The following XRCC5 variants were observed in gnomAD, a reference collection of about 807,000 sequenced individuals.
The protein encoded by XRCC5 is X-ray repair cross complementing 5.
Under a neutral mutation model 95.7 loss-of-function variants are expected in XRCC5, and 12 were observed. That is an observed-to-expected ratio of 0.13 (90% CI 0.08 to 0.20). The LOEUF is 0.20. XRCC5 is among the 10% of genes least tolerant of loss of function. The pLI is 1.00. For synonymous variants in XRCC5, 281 were observed against 290.3 expected, an observed-to-expected ratio of 0.97 and a Z score of 0.33; for missense variants, 595 against 873.9, an observed-to-expected ratio of 0.68 and a Z score of 4.02.
chr2:216,138,944 A>T (rs1406021477), intron 12 of XRCC5, among the ~76,000 whole-genome samples: 2 of 152,086 alleles, frequency 1.3e-5, no homozygotes, highest in African/African-American at 4.8e-5. Flanking sequence ...TTTTGGCTAG[A>T]CCCTTTGGAA....
intron 7 of XRCC5, 119 bp downstream of exon 7, chr2:216,126,150 G>T: frequency 1.3e-6 from 1 of 755,904 alleles, no homozygotes; most frequent in South Asian, 2.0e-5. Context: ...TTTTCTAGTT[G>T]TTCTCCCTGC....
intron 19 of XRCC5, among the ~76,000 whole-genome samples, chr2:216,201,619 ACT>A (rs1440754505): frequency 6.6e-6 from 1 of 152,088 alleles, no homozygotes; most frequent in Non-Finnish European, 1.5e-5. Context: ...GGAATATGTC[ACT>A]CACACACATG....
chr2:216,188,730 A>T (rs1574430821), intron 16 of XRCC5, among the ~76,000 whole-genome samples: 1 of 152,228 alleles, frequency 6.6e-6, no homozygotes, highest in East Asian at 1.9e-4. Flanking sequence ...GCTTTTGTTG[A>T]TGGTTTTCTG....
chr2:216,172,018 G>T (rs1689174087), intron 16 of XRCC5, among the ~76,000 whole-genome samples: 1 of 152,220 alleles, frequency 6.6e-6, no homozygotes. Context: ...TTCATAGTCA[G>T]TTTGGGTCTG....
intron 20 of XRCC5, 126 bp from the exon 21 acceptor site, chr2:216,205,062 A>G: frequency 9.0e-7 from 1 of 1,107,424 alleles, no homozygotes; most frequent in Admixed American, 1.8e-5. Flanking sequence ...ATGAGCGGTG[A>G]ATAAATGAGC....
chr2:216,130,679 T>C (rs1696981806), intron 8 of XRCC5, 196 bp from the exon 9 acceptor site: 1 of 493,684 alleles, frequency 2.0e-6, no homozygotes, highest in Non-Finnish European at 3.6e-6. Flanking sequence ...CATCTCTATA[T>C]TGTATGTGTG....
chr2:216,166,371 C>T (rs1368403292), intron 16 of XRCC5, among the ~76,000 whole-genome samples: 3 of 152,198 alleles, frequency 2.0e-5, no homozygotes, highest in African/African-American at 7.2e-5. Context: ...ATCTGCCTGC[C>T]TTGGCCTCCC....
At position 216,109,582 on chromosome 2, in the gene XRCC5, G is replaced by T. The variant is rs1372974951; in HGVS notation, c.21+125G>T. On this transcript the variant is annotated intron_variant, in intron 1 of 20. Coordinates refer to ENST00000392132, the MANE Select transcript of XRCC5 (RefSeq NM_021141.4). ...GGGGCAAGAGAAGATCATGGTGGTGGGCTCAGTCAGGAGGGCCGGGACCGA... is the reference window on the plus strand; with the variant it reads ...GGGGCAAGAGAAGATCATGGTGGTGTGCTCAGTCAGGAGGGCCGGGACCGA... 4 of 1,416,782 alleles carry T rather than the reference G, an allele frequency of 2.8e-6. No individual in the cohort carries two copies. The East Asian group carries it at 7.7e-5, about 27-fold the overall frequency. The allele number at this position is 1,416,782 out of a possible 1,614,324, so 87.8% of individuals were successfully genotyped here. A position where few individuals can be genotyped will look rare whatever the true frequency, so the allele number is the denominator to read the frequency against.
chr2:216,139,812 A>G (rs956804736), intron 12 of XRCC5, among the ~76,000 whole-genome samples: 2 of 152,216 alleles, frequency 1.3e-5, no homozygotes, highest in African/African-American at 4.8e-5. Context: ...CCAGCCCAGA[A>G]TATTTTTAAA....
intron 6 of XRCC5, among the ~76,000 whole-genome samples, chr2:216,124,662 C>G (rs1349405661): frequency 6.6e-6 from 1 of 152,130 alleles, no homozygotes; most frequent in Non-Finnish European, 1.5e-5. Context: ...AAATTGGAGT[C>G]TCTTGCGACC....
intron 10 of XRCC5, among the ~76,000 whole-genome samples, chr2:216,134,471 A>G (rs1697040972): frequency 7.1e-6 from 1 of 139,962 alleles, no homozygotes; most frequent in Non-Finnish European, 1.5e-5. Context: ...TTTGTAGCCC[A>G]TGCTGGAGTA....
At chr2:216,167,138 A>T (rs1689066950) in intron 16 of XRCC5, among the ~76,000 whole-genome samples, 1 of 152,180 alleles carries the variant, frequency 6.6e-6, no homozygotes, top group African/African-American at 2.4e-5. Flanking sequence ...AAACAGCCTT[A>T]ACATTTGACT....
At chr2:216,118,721 A>C (rs1411057274) in intron 4 of XRCC5, among the ~76,000 whole-genome samples, 2 of 152,202 alleles carry the variant, frequency 1.3e-5, no homozygotes, top group African/African-American at 4.8e-5. Flanking sequence ...CTGAAGTTAG[A>C]GTATGCTGGG....
intron 16 of XRCC5, among the ~76,000 whole-genome samples, chr2:216,178,862 G>A (rs573276536): frequency 2.0e-5 from 3 of 152,130 alleles, no homozygotes; most frequent in South Asian, 2.1e-4. Flanking sequence ...AAAAAGACAT[G>A]TTCATTCCTT....
intron 13 of XRCC5, 87 bp from the exon 14 acceptor site, chr2:216,147,996 C>A: frequency 2.1e-6 from 3 of 1,421,784 alleles, no homozygotes; most frequent in East Asian, 4.7e-5. Flanking sequence ...CCCTCCCACA[C>A]TAAAGATGGA....
intron 14 of XRCC5, among the ~76,000 whole-genome samples, chr2:216,154,009 G>C (rs74408349): frequency 6.6e-6 from 1 of 152,114 alleles, no homozygotes. Context: ...TTTCTTGGGA[G>C]TCTTCCTTTT....
chr2:216,177,008 A>G (rs750842540), intron 16 of XRCC5, among the ~76,000 whole-genome samples: 16 of 152,090 alleles, frequency 1.1e-4, no homozygotes, highest in Non-Finnish European at 1.9e-4. Flanking sequence ...AGATTTCCCA[A>G]TTTCTTCCTG....
intron 13 of XRCC5, among the ~76,000 whole-genome samples, chr2:216,144,748 A>T (rs1688591008): frequency 6.6e-6 from 1 of 152,236 alleles, no homozygotes; most frequent in South Asian, 2.1e-4. Flanking sequence ...AAGACAAGTC[A>T]GGTCTAAACA....
intron 16 of XRCC5, chr2:216,175,628 A>G (rs1381638171): frequency 9.8e-6 from 4 of 409,536 alleles, no homozygotes; most frequent in Non-Finnish European, 1.9e-5. Context: ...TATCTACTTT[A>G]ATACCACCAG....
Sources: allele counts gnomAD v4.1 joint callset (sites outside exome capture counted in the v4.1 genomes callset), GRCh38; gene constraint gnomAD v4.1.1; transcripts MANE v1.5; gene names NCBI Gene and HGNC (gene_info 2026-07-23, HGNC 2026-07-21).